The following SMG6 variants were observed in gnomAD, a reference collection of about 807,000 sequenced individuals.
SMG6 encodes telomerase-binding protein EST1A.
Under a neutral mutation model 142.2 loss-of-function variants are expected in SMG6, and 66 were observed. That is an observed-to-expected ratio of 0.46 (90% CI 0.38 to 0.57). The LOEUF (loss-of-function observed/expected upper bound fraction) is 0.57. Among genes scored for constraint, SMG6 ranks in the 20% least tolerant of loss-of-function variants. The pLI, the probability that SMG6 is intolerant of heterozygous loss-of-function variation, is 0.00. For synonymous variants in SMG6, 779 were observed against 702.4 expected, an observed-to-expected ratio of 1.11 and a Z score of -1.72; for missense variants, 1,793 against 1,832.0, an observed-to-expected ratio of 0.98 and a Z score of 0.39.
chr17:2,232,283 G>A (rs952825799), intron 10 of SMG6, among the ~76,000 whole-genome samples: 2 of 152,112 alleles, frequency 1.3e-5, no homozygotes, highest in African/African-American at 2.4e-5. Flanking sequence ...TAGATCAATA[G>A]GTCACCCTCC....
intron 13 of SMG6, among the ~76,000 whole-genome samples, chr17:2,115,040 C>A (rs1423894111): frequency 6.8e-6 from 1 of 148,114 alleles, no homozygotes; most frequent in Admixed American, 6.7e-5. Flanking sequence ...TGGATCCTAC[C>A]AGGGTTGATG....
intron 6 of SMG6, among the ~76,000 whole-genome samples, chr17:2,287,405 G>A (rs1029562695): frequency 6.6e-6 from 1 of 152,170 alleles, no homozygotes; most frequent in African/African-American, 2.4e-5. Context: ...AACAAGTGTT[G>A]GCAAGGAAGT....
intron 6 of SMG6, among the ~76,000 whole-genome samples, chr17:2,286,566 T>C (rs1400690975): frequency 1.3e-5 from 2 of 152,136 alleles, no homozygotes; most frequent in South Asian, 2.1e-4. Context: ...AAGAATGAAG[T>C]TGGACCTTTA....
At chr17:2,252,874 T>C (rs949642782) in intron 8 of SMG6, among the ~76,000 whole-genome samples, 1 of 152,184 alleles carries the variant, frequency 6.6e-6, no homozygotes, top group Non-Finnish European at 1.5e-5. Context: ...CCACCTGTTT[T>C]TGTATGACCC....
chr17:2,195,362 C>A (rs1387513660), intron 10 of SMG6, among the ~76,000 whole-genome samples: 1 of 152,226 alleles, frequency 6.6e-6, no homozygotes, highest in Non-Finnish European at 1.5e-5. Context: ...GGACAGGGTA[C>A]AAAAGGGCAA....
intron 13 of SMG6, among the ~76,000 whole-genome samples, chr17:2,161,225 C>T (rs548659382): frequency 6.6e-6 from 1 of 151,664 alleles, no homozygotes; most frequent in East Asian, 1.9e-4. Context: ...CTGCCTCAGC[C>T]TCCCGAGTAG....
chr17:2,165,920 C>T (rs1202941410), intron 13 of SMG6, among the ~76,000 whole-genome samples: 1 of 151,814 alleles, frequency 6.6e-6, no homozygotes, highest in Admixed American at 6.6e-5. Flanking sequence ...CACAAAGAAA[C>T]AAACAAAATG....
In SMG6 at chr17:2,299,829, T is replaced by C. The variant is rs771168257; in HGVS notation, c.924A>G (p.Arg308=). The change falls in exon 2 of 19, where the codon AGA becomes AGG. Residue 308 remains arginine, a synonymous_variant. Coordinates refer to ENST00000263073, the MANE Select transcript of SMG6 (RefSeq NM_017575.5). This position sits in a 1 kb window ranked among gnomAD's most constrained non-coding sequence, Gnocchi z 4.3. ...GTCCTAATCCATCAGGCTCATCAAT[T>C]CTGTCCTCGTCTAAGGAATCGGTTG... ...VSSTDSLDED[R]IDEPDGLGPR... 6.2e-7 allele frequency: 1 copy of C among 1,614,224 alleles called. No individual in the cohort carries two copies. The highest frequency in any genetic ancestry group is 2.2e-5 in the East Asian group (1 of 44,890).
chr17:2,174,490 T>C (rs1041385046), intron 12 of SMG6, among the ~76,000 whole-genome samples: 6 of 152,250 alleles, frequency 3.9e-5, no homozygotes, highest in South Asian at 2.1e-4. Context: ...ACTGTAATCA[T>C]TGCACTAGGA....
intron 13 of SMG6, among the ~76,000 whole-genome samples, chr17:2,151,884 T>C (rs1161959971): frequency 6.6e-6 from 1 of 152,190 alleles, no homozygotes; most frequent in Non-Finnish European, 1.5e-5. Context: ...GGCAGAACCC[T>C]GTGTGTCAGA....
intron 10 of SMG6, among the ~76,000 whole-genome samples, chr17:2,207,985 C>T (rs756804434): frequency 9.2e-5 from 14 of 152,170 alleles, no homozygotes; most frequent in African/African-American, 2.2e-4. Context: ...CCACACTTGC[C>T]GGGTGCGGTG....
chr17:2,105,491 C>T (rs2069132371), intron 13 of SMG6, among the ~76,000 whole-genome samples: 1 of 152,008 alleles, frequency 6.6e-6, no homozygotes, highest in South Asian at 2.1e-4. Flanking sequence ...TGCAGTGAGC[C>T]AAGACCGCGC....
rs71359155 is a variant in SMG6, at chr17:2,276,850, C to T, written c.2661+5797G>A. Among the ~76,000 whole-genome samples, 529 of 152,096 alleles carry T rather than the reference C, an allele frequency of 3.5e-3. 12 individuals are homozygous for T. The East Asian group carries it at 0.068, about 19-fold the overall frequency. On this transcript the variant is annotated intron_variant, in intron 8 of 18. Transcript: ENST00000263073. ...AGGCTGGAGTGCAATGGCACAATCT[C>T]GGCTCACCGCAACCTCCACCTCCCG...
At chr17:2,273,386 G>A (rs1412642069) in intron 8 of SMG6, among the ~76,000 whole-genome samples, 4 of 152,148 alleles carry the variant, frequency 2.6e-5, no homozygotes, top group South Asian at 4.2e-4. Context: ...CGTGGCTGGG[G>A]ACAGTGGCTC....
intron 6 of SMG6, among the ~76,000 whole-genome samples, chr17:2,285,439 G>C (rs1467970038): frequency 6.6e-6 from 1 of 152,132 alleles, no homozygotes; most frequent in African/African-American, 2.4e-5. Context: ...ATGACAAAAA[G>C]CCATTGAGGG....
At chr17:2,291,181 ACT>A (rs1474013726) in intron 6 of SMG6, among the ~76,000 whole-genome samples, 3 of 152,066 alleles carry the variant, frequency 2.0e-5, no homozygotes, top group African/African-American at 4.8e-5. Context: ...AATATAAAAA[ACT>A]AGCCGGGCGT....
intron 10 of SMG6, chr17:2,215,845 G>A (rs2151756150): frequency 6.6e-6 from 1 of 152,020 alleles, no homozygotes; most frequent in South Asian, 2.1e-4. Context: ...CATGAGGGAG[G>A]GGAGTGAGGG....
intron 15 of SMG6, among the ~76,000 whole-genome samples, chr17:2,076,918 G>C (rs555614979): frequency 6.6e-6 from 1 of 152,296 alleles, no homozygotes; most frequent in East Asian, 1.9e-4. Context: ...AGGAGAACAG[G>C]CAGCCTGGAC....
chr17:2,087,441 A>G, intron 13 of SMG6: 1 of 1,133,902 alleles, frequency 8.8e-7, no homozygotes. Context: ...TACACGGTCT[A>G]GGAGTGTTCT....
Sources: gnomAD v4.1 joint callset for allele counts (sites outside exome capture counted in the v4.1 genomes callset) on GRCh38, gnomAD v4.1.1 for gene constraint, Gnocchi (gnomAD v3.1) non-coding constraint, MANE v1.5 for transcripts, NCBI Gene and HGNC (gene_info 2026-07-23, HGNC 2026-07-21) for gene names.